MAGI2: variants seen among roughly 807,000 people sequenced by gnomAD.
MAGI2 encodes membrane associated guanylate kinase, WW and PDZ domain containing 2, also known as membrane-associated guanylate kinase, WW and PDZ domain-containing protein 2.
In MAGI2, 35 loss-of-function variants were observed where a neutral mutation model predicts 133.3. The observed-to-expected ratio is 0.26, with a 90% CI of 0.20 to 0.35. The LOEUF (loss-of-function observed/expected upper bound fraction) is 0.35. Among genes scored for constraint, MAGI2 ranks in the 10% least tolerant of loss-of-function variants. The probability of loss-of-function intolerance (pLI) is 1.00; values close to 1 mark genes in which losing one functional copy is unlikely to be tolerated. For synonymous variants in MAGI2, 729 were observed against 710.6 expected (o/e 1.03, Z -0.41); for missense variants, 1,636 against 1,863.4 (o/e 0.88, Z 2.25).
intron 3 of MAGI2, among the ~76,000 whole-genome samples, chr7:78,603,627 A>G (rs1805451872): frequency 6.6e-6 from 1 of 152,156 alleles, no homozygotes; most frequent in Non-Finnish European, 1.5e-5. Context: ...GGTTCAAGCA[A>G]TTCTCCTGCC....
chr7:78,931,271 T>A (rs555095019), intron 2 of MAGI2, among the ~76,000 whole-genome samples: 24 of 152,146 alleles, frequency 1.6e-4, no homozygotes, highest in African/African-American at 5.5e-4. Flanking sequence ...GATTTTTTTT[T>A]AAAAGGGATG....
intron 1 of MAGI2, among the ~76,000 whole-genome samples, chr7:79,338,287 T>C (rs1015548425): frequency 2.0e-5 from 3 of 152,136 alleles, no homozygotes; most frequent in African/African-American, 7.2e-5. Context: ...GATTAGTGTG[T>C]GGTTTAGAAA....
intron 1 of MAGI2, among the ~76,000 whole-genome samples, chr7:79,314,996 T>C (rs532789659): frequency 5.9e-5 from 9 of 152,272 alleles, no homozygotes; most frequent in Non-Finnish European, 1.2e-4. Context: ...TGCTCTCTTA[T>C]GTGACATAAT....
intron 9 of MAGI2, among the ~76,000 whole-genome samples, chr7:78,265,350 A>G (rs1793893749): frequency 6.6e-6 from 1 of 152,208 alleles, no homozygotes. Context: ...AGAAAGCACA[A>G]AAGACTGTTT....
At chr7:78,082,364 T>C (rs3779315) in intron 20 of MAGI2, among the ~76,000 whole-genome samples, 15,698 of 152,024 alleles carry the variant, frequency 0.1, 1,267 homozygotes, top group East Asian at 0.43. Flanking sequence ...AGGGGCTGCG[T>C]AAGGGCTGAG....
chr7:78,323,548 CTGGAATCCTGCTTCATTGCCT>C lies in MAGI2; in HGVS notation c.1408+20209_1408+20229del, dbSNP rs1562822056. Among the ~76,000 whole-genome samples the C allele has an allele frequency of 2.0e-5, 3 of 152,286 alleles. No homozygotes were observed. The South Asian group carries it at 6.2e-4, about 32-fold the overall frequency. On this transcript the variant is annotated intron_variant, in intron 9 of 21. Transcript: ENST00000354212. ...GAATTAGAAGCCTCAGAGACCAGCC[CTGGAATCCTGCTTCATTGCCT>C]TGGAATCCTGCTTCATTACGCTTAG...
At chr7:78,539,438 G>T (rs1002957681) in intron 3 of MAGI2, among the ~76,000 whole-genome samples, 4 of 151,586 alleles carry the variant, frequency 2.6e-5, no homozygotes, top group Non-Finnish European at 5.9e-5. Context: ...GAGAATTTTT[G>T]TATCTATGTT....
intron 15 of MAGI2, among the ~76,000 whole-genome samples, chr7:78,165,219 G>T (rs1825507636): frequency 6.6e-6 from 1 of 152,116 alleles, no homozygotes; most frequent in Non-Finnish European, 1.5e-5. Context: ...GCCAGGCATG[G>T]ATCACTGAGG....
At chr7:78,040,587 A>G (rs556866936) in intron 21 of MAGI2, among the ~76,000 whole-genome samples, 31 of 152,284 alleles carry the variant, frequency 2.0e-4, no homozygotes, top group Admixed American at 1.7e-3. Flanking sequence ...TCCCGCAGGT[A>G]GACGTAGAGC....
At chr7:78,948,291 T>C (rs1255265240) in intron 2 of MAGI2, among the ~76,000 whole-genome samples, 1 of 152,122 alleles carries the variant, frequency 6.6e-6, no homozygotes, top group African/African-American at 2.4e-5. Flanking sequence ...TAATGCAACT[T>C]TTATTTCTAC....
chr7:78,331,655 C>T (rs1041422516), intron 9 of MAGI2, among the ~76,000 whole-genome samples: 2 of 152,156 alleles, frequency 1.3e-5, no homozygotes, highest in Non-Finnish European at 2.9e-5. Context: ...ATCTTCCAGT[C>T]CATTTCTATT....
At chr7:78,650,543 A>G (rs530985966) in intron 2 of MAGI2, among the ~76,000 whole-genome samples, 2 of 152,336 alleles carry the variant, frequency 1.3e-5, no homozygotes, top group African/African-American at 4.8e-5. Context: ...ACTTCAAAAT[A>G]TGTGTTCAGT....
chr7:78,758,018 C>G (rs1014833526), intron 2 of MAGI2, among the ~76,000 whole-genome samples: 3 of 152,136 alleles, frequency 2.0e-5, no homozygotes, highest in African/African-American at 7.2e-5. Context: ...CTTTCCACCC[C>G]ACAGATAGCT....
intron 2 of MAGI2, among the ~76,000 whole-genome samples, chr7:78,716,915 C>T (rs1454412911): frequency 6.6e-6 from 1 of 152,190 alleles, no homozygotes; most frequent in Non-Finnish European, 1.5e-5. Context: ...GCCCAAGCCA[C>T]AGCATTTTGC....
intron 2 of MAGI2, among the ~76,000 whole-genome samples, chr7:78,836,663 A>G (rs554767189): frequency 1.3e-5 from 2 of 152,340 alleles, no homozygotes; most frequent in South Asian, 4.1e-4. Context: ...ATTTAAATAA[A>G]TAAATGAAGA....
At chr7:78,406,989 C>T (rs933588223) in intron 6 of MAGI2, among the ~76,000 whole-genome samples, 32 of 152,056 alleles carry the variant, frequency 2.1e-4, no homozygotes, top group African/African-American at 7.0e-4. Flanking sequence ...ACAAAAAAAG[C>T]CCAAAAAATC....
At chr7:78,875,988 A>G (rs953034439) in intron 2 of MAGI2, among the ~76,000 whole-genome samples, 2 of 152,176 alleles carry the variant, frequency 1.3e-5, no homozygotes, top group African/African-American at 4.8e-5. Flanking sequence ...AATCTTAAGA[A>G]CAGAGAGAAA....
intron 3 of MAGI2, among the ~76,000 whole-genome samples, chr7:78,605,919 C>T (rs1451455769): frequency 1.3e-5 from 2 of 152,088 alleles, no homozygotes; most frequent in African/African-American, 4.8e-5. Context: ...ATTACTCCAG[C>T]ATCAAGAGAG....
At chr7:78,066,979 C>G (rs1813899537) in intron 21 of MAGI2, among the ~76,000 whole-genome samples, 1 of 152,170 alleles carries the variant, frequency 6.6e-6, no homozygotes, top group African/African-American at 2.4e-5. Flanking sequence ...CACTCCACAT[C>G]AATTTTGGGT....
Sources: gnomAD v4.1 joint callset for allele counts (sites outside exome capture counted in the v4.1 genomes callset) on GRCh38, gnomAD v4.1.1 for gene constraint, MANE v1.5 for transcripts, NCBI Gene and HGNC (gene_info 2026-07-23, HGNC 2026-07-21) for gene names.